Variants in KLF17 observed in about 807,000 individuals in gnomAD.
KLF17 encodes the protein KLF transcription factor 17.
Under a neutral mutation model 34.2 loss-of-function variants are expected in KLF17, and 31 were observed. The ratio of observed to expected loss-of-function variants is 0.91; its 90% CI spans 0.68 to 1.22. KLF17 has a LOEUF of 1.22. KLF17 is among the 50% of genes most tolerant of loss of function. KLF17 has a pLI of 0.00. For synonymous variants in KLF17, 179 were observed against 186.7 expected (o/e 0.96, Z 0.34); for missense variants, 478 against 505.2 (o/e 0.95, Z 0.52).
intron 1 of KLF17, among the ~76,000 whole-genome samples, chr1:44,120,316 A>T (rs1396250953): frequency 6.6e-6 from 1 of 152,230 alleles, no homozygotes; most frequent in East Asian, 1.9e-4. Flanking sequence ...GAATAGTTGG[A>T]CTGTAAACAG....
the KLF17 span, among the ~76,000 whole-genome samples, chr1:44,057,608 A>ATG: frequency 2.6e-5 from 4 of 152,226 alleles, no homozygotes; most frequent in African/African-American, 9.6e-5. Flanking sequence ...AGGAAATTAA[A>ATG]TGGGCAGAAT....
At chr1:44,116,283 G>A (rs2087878649), upstream of KLF17, among the ~76,000 whole-genome samples, 1 of 152,032 alleles carries the variant, frequency 6.6e-6, no homozygotes, top group Non-Finnish European at 1.5e-5. Context: ...TAGTAGTTGG[G>A]GACCCTAAGA....
chr1:44,117,794 C>G (rs899760724), upstream of KLF17, among the ~76,000 whole-genome samples: 11 of 152,196 alleles, frequency 7.2e-5, no homozygotes, highest in East Asian at 1.2e-3. Flanking sequence ...TGCGCCCAGC[C>G]TCATCTCCTT....
the KLF17 span, chr1:44,069,976 G>A: frequency 6.6e-6 from 1 of 152,096 alleles, no homozygotes; most frequent in Non-Finnish European, 1.5e-5. This position sits in a 1 kb window ranked among gnomAD's most constrained non-coding sequence, Gnocchi z 4.7. Context: ...GTAGGGGAGG[G>A]CGGAATCTGG....
the KLF17 span, among the ~76,000 whole-genome samples, chr1:44,085,201 G>A: frequency 3.9e-5 from 6 of 152,176 alleles, no homozygotes; most frequent in East Asian, 7.7e-4. Context: ...AGGCAAAAAC[G>A]CCTTCCCTCA....
At chr1:44,078,668 C>T in the KLF17 span, among the ~76,000 whole-genome samples, 71 of 152,268 alleles carry the variant, frequency 4.7e-4, no homozygotes, top group African/African-American at 1.6e-3. Flanking sequence ...AATCTCCTGA[C>T]CTCATGATCT....
chr1:44,105,669 TTC>T, the KLF17 span, among the ~76,000 whole-genome samples: 2 of 152,162 alleles, frequency 1.3e-5, no homozygotes, highest in Admixed American at 6.6e-5. Flanking sequence ...TTCCATTTTT[TTC>T]TTTTTAATTT....
chr1:44,104,517 G>A, the KLF17 span: 1 of 731,186 alleles, frequency 1.4e-6, no homozygotes, highest in Non-Finnish European at 2.5e-6. Flanking sequence ...GGTGCGCATG[G>A]CCTGGATGTT....
the KLF17 span, among the ~76,000 whole-genome samples, chr1:44,085,892 T>A: frequency 1.3e-5 from 2 of 148,574 alleles, no homozygotes; most frequent in African/African-American, 5.0e-5. Flanking sequence ...CTGGGAGATG[T>A]GGAGGAACCA....
chr1:44,084,391 G>T, the KLF17 span, among the ~76,000 whole-genome samples: 1 of 152,054 alleles, frequency 6.6e-6, no homozygotes, highest in South Asian at 2.1e-4. Context: ...CTCTTAAAAA[G>T]TTTTTGCCAG....
the KLF17 span, chr1:44,104,601 TC>T: frequency 1.7e-6 from 1 of 591,370 alleles, no homozygotes; most frequent in Admixed American, 2.5e-5. Context: ...ATGCCGCTGG[TC>T]CCACCATAGC....
the KLF17 span, among the ~76,000 whole-genome samples, chr1:44,069,469 CGAGAGAGAGAGA>C: frequency 8.4e-3 from 1,072 of 127,178 alleles, 10 homozygotes; most frequent in Middle Eastern, 0.038. The surrounding 1 kb of genome is among the most constrained non-coding windows in gnomAD (Gnocchi z 4.7). Context: ...TGTTACATGG[CGAGAGAGAGAGA>C]GAGAGAGAGA....
chr1:44,046,015 G>A, the KLF17 span: 11 of 152,002 alleles, frequency 7.2e-5, no homozygotes, highest in Non-Finnish European at 1.5e-4. Context: ...GTATGTAGAC[G>A]TTTTCTTAAT....
chr1:44,117,557 G>A (rs368310049), upstream of KLF17, among the ~76,000 whole-genome samples: 10 of 150,658 alleles, frequency 6.6e-5, no homozygotes, highest in East Asian at 7.8e-4. Flanking sequence ...GTGCAATGGC[G>A]CGATCTCGAC....
At chr1:44,093,435 C>T in the KLF17 span, among the ~76,000 whole-genome samples, 1 of 152,106 alleles carries the variant, frequency 6.6e-6, no homozygotes, top group Non-Finnish European at 1.5e-5. Flanking sequence ...ACTCTTGTCC[C>T]CCAAGCTGGA....
the KLF17 span, chr1:44,088,149 T>C: frequency 6.5e-6 from 1 of 153,860 alleles, no homozygotes; most frequent in Non-Finnish European, 1.4e-5. Context: ...GGCAGGGTCT[T>C]GCTCTGTCAC....
At chr1:44,108,891 T>C in the KLF17 span, among the ~76,000 whole-genome samples, 1 of 152,114 alleles carries the variant, frequency 6.6e-6, no homozygotes, top group Non-Finnish European at 1.5e-5. Context: ...GGTCTTGAAC[T>C]CCTGACCTCA....
chr1:44,130,832 T>C, intron 3 of KLF17, 76 bp downstream of exon 3: 4 of 1,416,674 alleles, frequency 2.8e-6, no homozygotes, highest in Non-Finnish European at 9.8e-7. Context: ...AGTCTCACTC[T>C]GTCTCCCAGG....
At chr1:44,048,962 A>ATAAC in the KLF17 span, among the ~76,000 whole-genome samples, 2 of 152,256 alleles carry the variant, frequency 1.3e-5, no homozygotes, top group Non-Finnish European at 1.5e-5. Context: ...TTGTGTAAAC[A>ATAAC]TAACTGTCTT....
Sources: gnomAD v4.1 joint callset for allele counts (sites outside exome capture counted in the v4.1 genomes callset) on GRCh38, gnomAD v4.1.1 for gene constraint, Gnocchi (gnomAD v3.1) non-coding constraint, MANE v1.5 for transcripts, NCBI Gene and HGNC (gene_info 2026-07-23, HGNC 2026-07-21) for gene names.